MMP26: variants seen among roughly 807,000 people sequenced by gnomAD.
The protein encoded by MMP26 is matrix metalloproteinase-26.
Under a neutral mutation model 31.0 loss-of-function variants are expected in MMP26, and 33 were observed. The observed-to-expected ratio is 1.06, with a 90% CI of 0.81 to 1.42. The LOEUF is 1.42. Ranked by LOEUF, MMP26 falls within the 40% of genes most tolerant of loss-of-function variation. The pLI, the probability that MMP26 is intolerant of heterozygous loss-of-function variation, is 0.00. For synonymous variants in MMP26, 122 were observed against 114.9 expected (o/e 1.06, Z -0.40); for missense variants, 347 against 316.1 (o/e 1.10, Z -0.74).
chr11:4,720,198 A>G (rs764098706), intron 1 of MMP26, among the ~76,000 whole-genome samples: 2 of 152,222 alleles, frequency 1.3e-5, no homozygotes, highest in Admixed American at 6.5e-5. Flanking sequence ...GAAGATGTCG[A>G]GCATAAGCAT....
At chr11:4,774,471 G>T (rs1004208914) in intron 2 of MMP26, among the ~76,000 whole-genome samples, 5 of 152,066 alleles carry the variant, frequency 3.3e-5, no homozygotes, top group African/African-American at 9.7e-5. Flanking sequence ...TTTTAATGGG[G>T]TTGCTTGTTT....
intron 2 of MMP26, chr11:4,804,373 A>C: frequency 6.2e-7 from 1 of 1,613,736 alleles, no homozygotes; most frequent in Non-Finnish European, 8.5e-7. Context: ...CCCTGAAGCC[A>C]GCACCATGGA....
rs140599570 is a variant in MMP26, at chr11:4,846,790, A to G, written c.-145+79449A>G. Among the ~76,000 whole-genome samples the G allele has an allele frequency of 4.4e-3, 676 of 152,364 alleles. 1 individual carries two copies. The highest frequency in any genetic ancestry group is 0.016 in the African/African-American group (647 of 41,584). ...CACACATGTGATTAATTGTATTGGCATCAAAAAAATAGATTAACCATGTTC... is the reference window on the plus strand; with the variant it reads ...CACACATGTGATTAATTGTATTGGCGTCAAAAAAATAGATTAACCATGTTC... On this transcript the variant is annotated intron_variant, in intron 2 of 7. Transcript: ENST00000380390.
At chr11:4,890,659 C>T (rs934190248) in intron 2 of MMP26, 5 of 152,060 alleles carry the variant, frequency 3.3e-5, no homozygotes, top group Admixed American at 2.6e-4. Context: ...CTCCTGTGTT[C>T]ATTTCCCTCC....
At chr11:4,984,270 T>C (rs1463755489) in intron 2 of MMP26, among the ~76,000 whole-genome samples, 1 of 152,212 alleles carries the variant, frequency 6.6e-6, no homozygotes, top group Non-Finnish European at 1.5e-5. Context: ...TTGAGCATTG[T>C]GACCCCCCAA....
chr11:4,826,041 AC>A (rs1407537199), intron 2 of MMP26, among the ~76,000 whole-genome samples: 1 of 152,120 alleles, frequency 6.6e-6, no homozygotes, highest in Non-Finnish European at 1.5e-5. Context: ...GGCAACCATT[AC>A]CCCAAGCACT....
chr11:4,791,176 A>C (rs7939382), intron 2 of MMP26, among the ~76,000 whole-genome samples: 2,341 of 152,336 alleles, frequency 0.015, 69 homozygotes, highest in African/African-American at 0.053. Context: ...AATCTACCAC[A>C]GGAGGCTAAA....
chr11:4,765,987 C>A (rs912865016), intron 1 of MMP26, among the ~76,000 whole-genome samples: 5 of 152,150 alleles, frequency 3.3e-5, no homozygotes, highest in Non-Finnish European at 7.3e-5. Flanking sequence ...AGCTACATTC[C>A]TTGGTGTTCT....
intron 2 of MMP26, among the ~76,000 whole-genome samples, chr11:4,780,500 G>GT (rs1273644384): frequency 2.0e-5 from 3 of 151,808 alleles, no homozygotes; most frequent in African/African-American, 4.8e-5. Context: ...AGTTTAATCT[G>GT]TTTTTTTCTC....
In MMP26 at chr11:4,991,865, C is replaced by T. The variant is rs182672103; in HGVS notation, c.596-99C>T. ...TACCCTGTAACATTTGCCCTTTCCT[C>T]GTTTTCTGTTCTCTCCTTTTTCTTT... On this transcript the variant is annotated intron_variant, in intron 6 of 7. Coordinates refer to ENST00000380390, the MANE Select transcript of MMP26 (RefSeq NM_021801.5). 246 of 1,156,242 alleles carry T rather than the reference C, an allele frequency of 2.1e-4. 1 individual carries two copies. The East Asian group carries it at 6.2e-3, about 29-fold the overall frequency. The allele number at this position is 1,156,242 out of a possible 1,614,324, so 71.6% of individuals were successfully genotyped here.
rs1300778703 is a variant in MMP26, at chr11:4,781,680, AT to A, written c.-145+14340del. ...AACCATTCTGATTATATAGTGTTGT[AT>A]AAAATACCACCCTGATGTGGTTTGT... On this transcript the variant is annotated intron_variant, in intron 2 of 7. Coordinates refer to ENST00000380390, the MANE Select transcript of MMP26 (RefSeq NM_021801.5). Among the ~76,000 whole-genome samples the A allele has an allele frequency of 9.4e-5, 14 of 148,170 alleles. No individual in the cohort carries two copies. In the Admixed American group the frequency reaches 9.5e-4, roughly 10 times the overall value.
intron 2 of MMP26, chr11:4,914,551 C>CT: frequency 1.7e-6 from 1 of 574,090 alleles, no homozygotes; most frequent in Non-Finnish European, 3.1e-6. Context: ...TTTACCCCCC[C>CT]CTGCCCTGGC....
intron 2 of MMP26, chr11:4,946,938 G>C (rs762374029): frequency 6.2e-7 from 1 of 1,606,078 alleles, no homozygotes; most frequent in Non-Finnish European, 8.5e-7. Flanking sequence ...TGCAAGGAGG[G>C]CTCTGTCTTG....
intron 2 of MMP26, among the ~76,000 whole-genome samples, chr11:4,917,272 C>T (rs910012299): frequency 2.0e-5 from 3 of 151,976 alleles, no homozygotes; most frequent in African/African-American, 7.2e-5. Context: ...GATAAGAAAA[C>T]AGAAGCTTAG....
intron 2 of MMP26, chr11:4,804,352 G>A (rs773702386): frequency 1.2e-6 from 2 of 1,614,036 alleles, no homozygotes; most frequent in Non-Finnish European, 1.7e-6. Flanking sequence ...CACAGGATGA[G>A]AAGAGCTGTT....
intron 1 of MMP26, chr11:4,709,481 G>T (rs1847828268): frequency 9.7e-5 from 35 of 361,560 alleles, no homozygotes; most frequent in South Asian, 7.2e-4. Context: ...AAATTGTATG[G>T]TGTATAGAAG....
At chr11:4,751,251 A>G (rs1848443620) in intron 1 of MMP26, among the ~76,000 whole-genome samples, 2 of 152,164 alleles carry the variant, frequency 1.3e-5, no homozygotes, top group Non-Finnish European at 2.9e-5. Flanking sequence ...AGAGCCTTCA[A>G]ATAAAATCAA....
At chr11:4,831,039 T>A (rs538266801) in intron 2 of MMP26, among the ~76,000 whole-genome samples, 1 of 152,144 alleles carries the variant, frequency 6.6e-6, no homozygotes, top group Non-Finnish European at 1.5e-5. Flanking sequence ...AGCTCCTAAC[T>A]CGGGTCAATA....
chr11:4,775,747 T>TGAGAGAGAGAGAGAGA lies in MMP26; in HGVS notation c.-145+8415_-145+8430dup, dbSNP rs35696328. Among the ~76,000 whole-genome samples the TGAGAGAGAGAGAGAGA allele has an allele frequency of 7.8e-3, 1,084 of 139,720 alleles. 5 individuals are homozygous for TGAGAGAGAGAGAGAGA. Among genetic ancestry groups the TGAGAGAGAGAGAGAGA allele is most frequent in the African/African-American group, 0.027 (1,021 of 37,662 alleles). The allele number at this position is 139,720 out of a possible 152,430, so 91.7% of individuals were successfully genotyped here. Reference sequence around the variant, plus strand: ...AGTACAAGGAAAGAGAGGAAGTGAGTGAGAGAGAGAGAGAGAGAGAGAGAA... The same window carrying TGAGAGAGAGAGAGAGA: ...AGTACAAGGAAAGAGAGGAAGTGAGTGAGAGAGAGAGAGAGAGAGAGAGAGAGAGAGAGAGAGAGAA... On this transcript the variant is annotated intron_variant, in intron 2 of 7. Coordinates refer to ENST00000380390, the MANE Select transcript of MMP26 (RefSeq NM_021801.5).
Sources: gnomAD v4.1 joint callset for allele counts (sites outside exome capture counted in the v4.1 genomes callset) on GRCh38, gnomAD v4.1.1 for gene constraint, MANE v1.5 for transcripts, NCBI Gene and HGNC (gene_info 2026-07-23, HGNC 2026-07-21) for gene names.